Variants in RBFOX1 observed in about 807,000 individuals in gnomAD.
RBFOX1 encodes the protein RNA binding fox-1 homolog 1, also known as RNA binding protein fox-1 homolog 1.
A neutral mutation model predicts 57.7 loss-of-function variants in RBFOX1; 8 were observed. The observed-to-expected ratio is 0.14, with a 90% CI of 0.08 to 0.25. The LOEUF (loss-of-function observed/expected upper bound fraction) is 0.25. Ranked by LOEUF, RBFOX1 falls within the 10% of genes least tolerant of loss-of-function variation. The probability of loss-of-function intolerance (pLI) is 1.00; values close to 1 mark genes in which losing one functional copy is unlikely to be tolerated. For missense variants in RBFOX1, 611 were observed against 548.5 expected, an observed-to-expected ratio of 1.11 and a Z score of -1.14; for synonymous variants, 326 against 222.4, an observed-to-expected ratio of 1.47 and a Z score of -4.15.
intron 2 of RBFOX1, among the ~76,000 whole-genome samples, chr16:6,320,078 G>T (rs12923371): frequency 0.32 from 48,266 of 151,860 alleles, 8,109 homozygotes; most frequent in Middle Eastern, 0.41. Flanking sequence ...ATTGGCTTTG[G>T]TGACTGAGAG....
At chr16:6,746,608 G>T (rs2073720922) in intron 3 of RBFOX1, among the ~76,000 whole-genome samples, 2 of 151,934 alleles carry the variant, frequency 1.3e-5, no homozygotes, top group African/African-American at 4.8e-5. Context: ...AACCTGGGAA[G>T]TTGAGGCTGC....
chr16:7,006,247 G>A (rs976630775), intron 3 of RBFOX1, among the ~76,000 whole-genome samples: 5 of 151,940 alleles, frequency 3.3e-5, no homozygotes, highest in African/African-American at 4.8e-5. Context: ...CTCTGCCTCC[G>A]AGGTCCAAGC....
intron 1 of RBFOX1, among the ~76,000 whole-genome samples, chr16:6,275,862 T>A (rs913813520): frequency 5.3e-5 from 8 of 152,202 alleles, no homozygotes; most frequent in African/African-American, 1.9e-4. Flanking sequence ...TACCAAATAT[T>A]TTAAACAATT....
At chr16:6,782,757 C>T (rs2081247083) in intron 3 of RBFOX1, among the ~76,000 whole-genome samples, 1 of 152,146 alleles carries the variant, frequency 6.6e-6, no homozygotes, top group Non-Finnish European at 1.5e-5. Flanking sequence ...TTCTGTAGCG[C>T]ACATTAAGTC....
chr16:6,010,491 C>T (rs1344710690), intron 4 of RBFOX1, among the ~76,000 whole-genome samples: 1 of 152,228 alleles, frequency 6.6e-6, no homozygotes, highest in Non-Finnish European at 1.5e-5. Context: ...CCATTTACTT[C>T]CCCACTCCTG....
chr16:7,316,767 G>A (rs571886735), intron 4 of RBFOX1, among the ~76,000 whole-genome samples: 2 of 152,208 alleles, frequency 1.3e-5, no homozygotes. Context: ...CAGGGTGGAA[G>A]AGAGGATTCA....
chr16:6,872,050 G>A (rs1029873343), intron 3 of RBFOX1, among the ~76,000 whole-genome samples: 1 of 151,530 alleles, frequency 6.6e-6, no homozygotes, highest in Non-Finnish European at 1.5e-5. Flanking sequence ...ATCGTTTCTG[G>A]AAAGCCTCTC....
chr16:7,361,964 T>G (rs1334427420), intron 4 of RBFOX1, among the ~76,000 whole-genome samples: 2 of 151,964 alleles, frequency 1.3e-5, no homozygotes, highest in Non-Finnish European at 2.9e-5. Context: ...TGTGTATGTT[T>G]GTGTGTATGC....
At chr16:6,977,246 T>A (rs1368069990) in intron 3 of RBFOX1, among the ~76,000 whole-genome samples, 1 of 150,166 alleles carries the variant, frequency 6.7e-6, no homozygotes, top group Non-Finnish European at 1.5e-5. Context: ...TTTAAAAAGA[T>A]CTTGGGCAGA....
chr16:7,588,031 T>C (rs565263023), intron 7 of RBFOX1, among the ~76,000 whole-genome samples: 4 of 152,064 alleles, frequency 2.6e-5, no homozygotes, highest in Non-Finnish European at 4.4e-5. Flanking sequence ...ATACAAAAAT[T>C]AGCTGGGTGT....
chr16:5,953,697 T>C (rs142435628), intron 4 of RBFOX1, among the ~76,000 whole-genome samples: 170 of 129,518 alleles, frequency 1.3e-3, no homozygotes, highest in African/African-American at 5.4e-3. Context: ...CTAAGTAGTC[T>C]TCTGTCTTAT....
At chr16:5,444,294 A>G (rs1285048297) in intron 1 of RBFOX1, among the ~76,000 whole-genome samples, 2 of 152,214 alleles carry the variant, frequency 1.3e-5, no homozygotes, top group Non-Finnish European at 2.9e-5. Flanking sequence ...ACCTCATTGC[A>G]ACATTTATAT....
chr16:6,492,039 T>G (rs765521809), intron 2 of RBFOX1, among the ~76,000 whole-genome samples: 7 of 151,922 alleles, frequency 4.6e-5, no homozygotes, highest in Admixed American at 6.6e-5. Flanking sequence ...ATAGACTGAG[T>G]AGTAATGGAG....
At chr16:6,566,185 A>G (rs1314597560) in intron 2 of RBFOX1, among the ~76,000 whole-genome samples, 1 of 152,108 alleles carries the variant, frequency 6.6e-6, no homozygotes, top group African/African-American at 2.4e-5. Flanking sequence ...AGGTACAATC[A>G]CCTCCGTTGT....
chr16:5,618,380 C>T (rs930499244), intron 3 of RBFOX1, among the ~76,000 whole-genome samples: 2 of 151,986 alleles, frequency 1.3e-5, no homozygotes, highest in South Asian at 4.1e-4. Context: ...CTCTGTCACC[C>T]AGGCTGCAGT....
At chr16:6,431,188 C>G (rs1043059953) in intron 2 of RBFOX1, among the ~76,000 whole-genome samples, 1 of 151,574 alleles carries the variant, frequency 6.6e-6, no homozygotes. Flanking sequence ...TGGGGAAAGG[C>G]AGGTGATTGC....
chr16:5,975,010 AAAAT>A (rs1427895624), intron 4 of RBFOX1, among the ~76,000 whole-genome samples: 1 of 152,224 alleles, frequency 6.6e-6, no homozygotes, highest in African/African-American at 2.4e-5. Context: ...CTCCGTCTCA[AAAAT>A]AAATAAATAA....
At chr16:5,713,130 C>T (rs2051557468) in intron 3 of RBFOX1, among the ~76,000 whole-genome samples, 1 of 152,194 alleles carries the variant, frequency 6.6e-6, no homozygotes, top group African/African-American at 2.4e-5. Flanking sequence ...AATGAACCGA[C>T]ACTGAATGAA....
chr16:6,067,838 G>A (rs4146813), intron 1 of RBFOX1, among the ~76,000 whole-genome samples: 62,554 of 152,080 alleles, frequency 0.41, 13,363 homozygotes, highest in East Asian at 0.53. Flanking sequence ...CCAGCCCACT[G>A]AAAACTCACA....
Sources: gnomAD v4.1 joint callset for allele counts (sites outside exome capture counted in the v4.1 genomes callset) on GRCh38, gnomAD v4.1.1 for gene constraint, MANE v1.5 for transcripts, NCBI Gene and HGNC (gene_info 2026-07-23, HGNC 2026-07-21) for gene names.